ACOT7: variants seen among roughly 807,000 people sequenced by gnomAD.
ACOT7 encodes cytosolic acyl coenzyme A thioester hydrolase.
A neutral mutation model predicts 40.2 loss-of-function variants in ACOT7; 12 were observed. That is an observed-to-expected ratio of 0.30 (90% CI 0.19 to 0.48). The LOEUF (loss-of-function observed/expected upper bound fraction) is 0.48, where lower values mean the gene tolerates loss of function less well. ACOT7 is among the 20% of genes least tolerant of loss of function. The pLI is 0.99. For synonymous variants in ACOT7, 228 were observed against 219.5 expected (o/e 1.04, Z -0.34); for missense variants, 395 against 530.8 (o/e 0.74, Z 2.51).
rs182277573 is a variant in ACOT7, at chr1:6,358,126, C to G, written c.144-8260G>C. 5.5e-3 allele frequency among the ~76,000 whole-genome samples: 835 copies of G among 152,210 alleles called. 6 individuals are homozygous for G. The highest frequency in any genetic ancestry group is 0.019 in the African/African-American group (803 of 41,528). On this transcript the variant is annotated intron_variant, in intron 1 of 8. Coordinates refer to ENST00000361521, the MANE Select transcript of ACOT7 (RefSeq NM_007274.4). The surrounding 1 kb of genome is among the most constrained non-coding windows in gnomAD (Gnocchi z 4.1). The stretch of plus-strand genomic sequence containing the variant: ...TCAGTTGATCCACCTGCCTCGGCCT[C>G]CCAAAGTGCTGAGATTACAGGCGTG...
intron 8 of ACOT7, among the ~76,000 whole-genome samples, chr1:6,277,011 T>C (rs1294157124): frequency 3.3e-5 from 5 of 150,232 alleles, no homozygotes; most frequent in Non-Finnish European, 5.9e-5. Context: ...GGGTATGGAG[T>C]TCTGGAAGGG....
intron 6 of ACOT7, among the ~76,000 whole-genome samples, chr1:6,303,619 C>T (rs1329934339): frequency 1.3e-5 from 2 of 152,156 alleles, no homozygotes; most frequent in African/African-American, 4.8e-5. Flanking sequence ...ATATTTAATC[C>T]CAACTGACGG....
Position 6,306,988 on chromosome 1 carries a change from C to T in ACOT7, c.712+11504G>A. 1 of 1,164,798 alleles carries T rather than the reference C, an allele frequency of 8.6e-7. No individual in the cohort carries two copies. The highest frequency in any genetic ancestry group is 1.3e-5 in the South Asian group (1 of 76,576). The allele number at this position is 1,164,798 out of a possible 1,614,324, so 72.2% of individuals were successfully genotyped here. On this transcript the variant is annotated intron_variant, in intron 6 of 8. Transcript: ENST00000361521. The surrounding 1 kb of genome is among the most constrained non-coding windows in gnomAD (Gnocchi z 4.3). The stretch of plus-strand genomic sequence containing the variant: ...TGCGTCCCCTCCCATGTTTTCTCTG[C>T]CTTCCCTTTCCTCTGCCTCCTCCTA...
intron 1 of ACOT7, among the ~76,000 whole-genome samples, chr1:6,379,250 TA>T (rs1391070393): frequency 1.3e-5 from 2 of 151,774 alleles, no homozygotes; most frequent in African/African-American, 4.8e-5. Flanking sequence ...CCCTCAGGTA[TA>T]AGAGTTCAAA....
chr1:6,281,822 G>T (rs1325819947), intron 7 of ACOT7, among the ~76,000 whole-genome samples: 1 of 152,196 alleles, frequency 6.6e-6, no homozygotes, highest in Non-Finnish European at 1.5e-5. Context: ...AGGGGCTCCA[G>T]TGACACAGGG....
intron 1 of ACOT7, among the ~76,000 whole-genome samples, chr1:6,375,679 G>A (rs553247302): frequency 2.0e-5 from 3 of 151,990 alleles, no homozygotes; most frequent in South Asian, 2.1e-4. Flanking sequence ...GCTCACGCCT[G>A]TAATCCCAGC....
In ACOT7 at chr1:6,292,689, T is replaced by G. The variant is rs1261072571; in HGVS notation, c.829+2175A>C. ...TGTTTTTTTTTTGTTTTTTTGTGTT[T>G]TTTTTTTTTTGCGACAGATTCTTGC... On this transcript the variant is annotated intron_variant, in intron 7 of 8. Coordinates refer to ENST00000361521, the MANE Select transcript of ACOT7 (RefSeq NM_007274.4). Among the ~76,000 whole-genome samples, 5 of 147,428 alleles carry G rather than the reference T, an allele frequency of 3.4e-5. No homozygotes were observed. The East Asian group carries it at 5.8e-4, about 17-fold the overall frequency.
At chr1:6,305,194 G>T (rs543794226) in intron 6 of ACOT7, among the ~76,000 whole-genome samples, 3 of 149,482 alleles carry the variant, frequency 2.0e-5, no homozygotes, top group African/African-American at 7.5e-5. Context: ...CTGGCCGGGC[G>T]GGGGGCTGTC....
At chr1:6,364,183 C>T (rs1641951172) in intron 1 of ACOT7, among the ~76,000 whole-genome samples, 1 of 151,768 alleles carries the variant, frequency 6.6e-6, no homozygotes, top group Admixed American at 6.6e-5. Context: ...GAGACTCCAC[C>T]TCTAGAAAAA....
At position 6,338,021 on chromosome 1, in the gene ACOT7, A is replaced by G. The variant is rs1374280552; in HGVS notation, c.418+1412T>C. Among the ~76,000 whole-genome samples, 10 of 150,294 alleles carry G rather than the reference A, an allele frequency of 6.7e-5. No homozygotes were observed. The highest frequency in any genetic ancestry group is 2.5e-4 in the African/African-American group (10 of 40,342). ...ATCTCAAAAAAAAAAAAAAAAAAAAAAAGAAACCTGCTCTTCAGGGCTTCC... is the reference window on the plus strand; with the variant it reads ...ATCTCAAAAAAAAAAAAAAAAAAAAGAAGAAACCTGCTCTTCAGGGCTTCC... On this transcript the variant is annotated intron_variant, in intron 3 of 8. Transcript: ENST00000361521. The surrounding 1 kb of genome is among the most constrained non-coding windows in gnomAD (Gnocchi z 4.4).
intron 1 of ACOT7, among the ~76,000 whole-genome samples, chr1:6,392,986 C>A (rs1013655529): frequency 6.6e-6 from 1 of 152,096 alleles, no homozygotes; most frequent in Non-Finnish European, 1.5e-5. Context: ...GCCTGGCTTT[C>A]TCGCCCAAAC....
At chr1:6,334,268 C>G (rs890157886) in intron 3 of ACOT7, among the ~76,000 whole-genome samples, 1 of 152,260 alleles carries the variant, frequency 6.6e-6, no homozygotes, top group East Asian at 1.9e-4. Flanking sequence ...TGCTGGGGAA[C>G]TTGACGTCCT....
intron 1 of ACOT7, among the ~76,000 whole-genome samples, chr1:6,373,892 T>G (rs978578966): frequency 3.3e-5 from 5 of 149,966 alleles, no homozygotes; most frequent in Admixed American, 3.3e-4. Context: ...ATGCAGGACC[T>G]GCAAAGTGCA....
At chr1:6,308,571 C>T (rs1273825175) in intron 6 of ACOT7, among the ~76,000 whole-genome samples, 2 of 144,448 alleles carry the variant, frequency 1.4e-5, no homozygotes, top group African/African-American at 2.6e-5. Context: ...GGAACAGCAA[C>T]CAGAGGGAAC....
intron 4 of ACOT7, 79 bp from the exon 5 acceptor site, chr1:6,327,492 C>A (rs1380630516): frequency 7.8e-7 from 1 of 1,281,704 alleles, no homozygotes; most frequent in Non-Finnish European, 1.1e-6. Flanking sequence ...ATCCCAGGCC[C>A]TTATAGCCTT....
chr1:6,328,499 T>C (rs890705708), intron 4 of ACOT7, among the ~76,000 whole-genome samples: 1 of 151,638 alleles, frequency 6.6e-6, no homozygotes, highest in Non-Finnish European at 1.5e-5. Context: ...CTGGCCAACA[T>C]GGTGAAACCC....
intron 6 of ACOT7, among the ~76,000 whole-genome samples, chr1:6,302,073 A>C (rs1639988909): frequency 6.6e-6 from 1 of 152,220 alleles, no homozygotes. Flanking sequence ...GTCTATTATC[A>C]GATTATACCC....
rs1122448 is a variant in ACOT7, at chr1:6,352,539, A to G, written c.144-2673T>C. Among the ~76,000 whole-genome samples the G allele has an allele frequency of 0.3, 45,976 of 151,856 alleles. 9,540 individuals are homozygous for G. Among genetic ancestry groups the G allele is most frequent in the African/African-American group, 0.6 (24,791 of 41,426 alleles). ...CTGTCTAAAGGCAGGCAGGGGTGAG[A>G]GCCAGGGAGCCAGGGAAGCTGCTGC... On this transcript the variant is annotated intron_variant, in intron 1 of 8. Coordinates refer to ENST00000361521, the MANE Select transcript of ACOT7 (RefSeq NM_007274.4). This position sits in a 1 kb window ranked among gnomAD's most constrained non-coding sequence, Gnocchi z 4.5.
intron 1 of ACOT7, among the ~76,000 whole-genome samples, chr1:6,353,398 G>A (rs1215963169): frequency 6.6e-6 from 1 of 152,082 alleles, no homozygotes; most frequent in Non-Finnish European, 1.5e-5. Flanking sequence ...TACAGAGGCC[G>A]AGGCGGGGGC....
Sources: allele counts gnomAD v4.1 joint callset (sites outside exome capture counted in the v4.1 genomes callset), GRCh38; gene constraint gnomAD v4.1.1; non-coding constraint Gnocchi (gnomAD v3.1); transcripts MANE v1.5; gene names NCBI Gene and HGNC (gene_info 2026-07-23, HGNC 2026-07-21).